Variants in ZFYVE28 observed in about 807,000 individuals in gnomAD.
ZFYVE28 encodes zinc finger FYVE-type containing 28, also known as lateral signaling target protein 2 homolog.
Under a neutral mutation model 82.1 loss-of-function variants are expected in ZFYVE28, and 40 were observed. The ratio of observed to expected loss-of-function variants is 0.49; its 90% CI spans 0.38 to 0.63. The LOEUF (loss-of-function observed/expected upper bound fraction) is 0.63. Ranked by LOEUF, ZFYVE28 falls within the 30% of genes least tolerant of loss-of-function variation. The pLI is 0.00. For synonymous variants in ZFYVE28, 612 were observed against 546.1 expected, an observed-to-expected ratio of 1.12 and a Z score of -1.68; for missense variants, 1,321 against 1,242.1, an observed-to-expected ratio of 1.06 and a Z score of -0.96.
intron 8 of ZFYVE28, 23 bp downstream of exon 8, chr4:2,304,266 C>T (rs764751647): frequency 1.3e-6 from 2 of 1,538,232 alleles, no homozygotes; most frequent in African/African-American, 1.4e-5. Flanking sequence ...CAAACCCAGT[C>T]TCTGGGCCAG....
chr4:2,344,634 C>T (rs1475926710), intron 2 of ZFYVE28, among the ~76,000 whole-genome samples: 1 of 152,248 alleles, frequency 6.6e-6, no homozygotes, highest in Non-Finnish European at 1.5e-5. Context: ...CAGTGGCTCA[C>T]GCCTGTAATC....
At chr4:2,304,052 G>A (rs1340953478) in intron 8 of ZFYVE28, among the ~76,000 whole-genome samples, 2 of 152,356 alleles carry the variant, frequency 1.3e-5, no homozygotes, top group Admixed American at 6.5e-5. Context: ...AAACAGGGAA[G>A]CGGGCCCGCT....
At chr4:2,285,416 A>G (rs993697202) in intron 8 of ZFYVE28, 12 of 152,360 alleles carry the variant, frequency 7.9e-5, no homozygotes, top group African/African-American at 2.6e-4. Flanking sequence ...CGCCGGCCCC[A>G]CTGTGGCTGC....
intron 8 of ZFYVE28, 106 bp from the exon 9 acceptor site, chr4:2,274,322 A>G: frequency 1.5e-6 from 2 of 1,363,954 alleles, no homozygotes; most frequent in Non-Finnish European, 2.0e-6. Context: ...GCAGACGCTC[A>G]CCCCACAGGC....
intron 1 of ZFYVE28, among the ~76,000 whole-genome samples, chr4:2,396,926 T>C (rs1384685602): frequency 1.3e-5 from 2 of 151,982 alleles, no homozygotes; most frequent in Non-Finnish European, 2.9e-5. Context: ...TGACCCGAAT[T>C]GAATTGTGTG....
intron 2 of ZFYVE28, among the ~76,000 whole-genome samples, chr4:2,347,137 A>G (rs1045794304): frequency 1.3e-5 from 2 of 152,216 alleles, no homozygotes; most frequent in Non-Finnish European, 2.9e-5. Context: ...GAGTGGCTAC[A>G]TGAATACTGA....
rs1722420049 is a variant in ZFYVE28 at position 2,339,570 on chromosome 4, A to G, written c.404T>C (p.Leu135Pro). 1.2e-6 allele frequency: 2 copies of G among 1,612,814 alleles called. No homozygotes were observed. Among genetic ancestry groups the G allele is most frequent in the Non-Finnish European group, 1.7e-6 (2 of 1,179,740 alleles). The change falls in exon 4 of 13, where the codon CTG becomes CCG. Residue 135 changes from leucine (L) to proline (P), a missense_variant. Around this residue, in one of 2 missense-constraint regions of ZFYVE28, gnomAD observed 343 missense variants for 408.4 expected, o/e 0.84. Coordinates refer to ENST00000290974, the MANE Select transcript of ZFYVE28 (RefSeq NM_020972.3). This position sits in a 1 kb window ranked among gnomAD's most constrained non-coding sequence, Gnocchi z 5.0. ...RPLAKELTRS[L>P]EDVRGALRDQ... ...ACGGAGGGCGCCCCGCACGTCCTCC[A>G]GGCTGCGCGTCAGCTCCTTGGCCAG...
chr4:2,401,561 T>C (rs1198864851), intron 1 of ZFYVE28, among the ~76,000 whole-genome samples: 1 of 150,266 alleles, frequency 6.7e-6, no homozygotes, highest in Non-Finnish European at 1.5e-5. Context: ...CCCCTCCTCC[T>C]TCTGGCTCTG....
At chr4:2,330,116 A>T (rs1310635277) in intron 6 of ZFYVE28, 1 of 229,228 alleles carries the variant, frequency 4.4e-6, no homozygotes, top group Non-Finnish European at 7.2e-6. Flanking sequence ...GGGCAGGATG[A>T]AGGATAATAG....
intron 7 of ZFYVE28, among the ~76,000 whole-genome samples, chr4:2,308,627 C>CAGACAGAAAGAAAGAA (rs1553830470): frequency 1.3e-5 from 1 of 79,522 alleles, no homozygotes; most frequent in Non-Finnish European, 2.4e-5. Context: ...AGAAAGAAGA[C>CAGACAGAAAGAAAGAA]AGAAAGAAAG....
chr4:2,365,479 C>G (rs146803846), intron 1 of ZFYVE28, among the ~76,000 whole-genome samples: 1,621 of 152,260 alleles, frequency 0.011, 18 homozygotes, highest in Non-Finnish European at 0.014. Flanking sequence ...GGCCCACCTT[C>G]CCACCTGCAG....
intron 8 of ZFYVE28, among the ~76,000 whole-genome samples, chr4:2,303,207 A>C (rs1715871915): frequency 6.6e-6 from 1 of 152,050 alleles, no homozygotes; most frequent in African/African-American, 2.4e-5. Context: ...CCTGACCGTC[A>C]CGGGACCCTG....
At chr4:2,397,040 G>A (rs551690117) in intron 1 of ZFYVE28, among the ~76,000 whole-genome samples, 6 of 152,326 alleles carry the variant, frequency 3.9e-5, no homozygotes, top group East Asian at 1.9e-4. Flanking sequence ...TGCCACGGCC[G>A]GGGATCAGGG....
chr4:2,403,116 T>G (rs3135074), intron 1 of ZFYVE28, among the ~76,000 whole-genome samples: 134,334 of 152,262 alleles, frequency 0.88, 59,605 homozygotes, highest in African/African-American at 0.97. Context: ...TGATGACCCC[T>G]CTGGGCTGTG....
chr4:2,346,552 A>G (rs1723626442), intron 2 of ZFYVE28, among the ~76,000 whole-genome samples: 2 of 152,296 alleles, frequency 1.3e-5, no homozygotes, highest in South Asian at 4.1e-4. Context: ...CCCTAACAAC[A>G]TAGTGTGAGT....
chr4:2,305,611 GC>G, intron 7 of ZFYVE28, 75 bp from the exon 8 acceptor site: 1 of 1,548,436 alleles, frequency 6.5e-7, no homozygotes, highest in Admixed American at 1.9e-5. Flanking sequence ...AGTGGACGCA[GC>G]ACCCTGGAGT....
At chr4:2,385,465 T>C (rs1729157479) in intron 1 of ZFYVE28, among the ~76,000 whole-genome samples, 1 of 152,136 alleles carries the variant, frequency 6.6e-6, no homozygotes, top group Non-Finnish European at 1.5e-5. Flanking sequence ...CCTGCCAAAG[T>C]TGGGATTTGA....
rs1218884074 is a variant in ZFYVE28, at chr4:2,394,692, C to T, written c.39+23593G>A. On this transcript the variant is annotated intron_variant, in intron 1 of 12. Transcript: ENST00000290974. This position sits in a 1 kb window ranked among gnomAD's most constrained non-coding sequence, Gnocchi z 4.0. ...CTGGGTGTCGTGTCACACAGGTCTG[C>T]GATCCGATCCTGTGAACAGGCACCA... 6.6e-6 allele frequency among the ~76,000 whole-genome samples: 1 copy of T among 152,236 alleles called. No individual in the cohort carries two copies. The highest frequency in any genetic ancestry group is 1.5e-5 in the Non-Finnish European group (1 of 68,040).
At chr4:2,410,747 G>A (rs573644078) in intron 1 of ZFYVE28, among the ~76,000 whole-genome samples, 130 of 152,072 alleles carry the variant, frequency 8.5e-4, no homozygotes, top group South Asian at 2.9e-3. Flanking sequence ...CGCCTGCCTC[G>A]ACCTCCCAAA....
Sources: gnomAD v4.1 joint callset for allele counts (sites outside exome capture counted in the v4.1 genomes callset) on GRCh38, gnomAD v4.1.1 for gene constraint, gnomAD v4.1.1 regional missense constraint, Gnocchi (gnomAD v3.1) non-coding constraint, MANE v1.5 for transcripts, NCBI Gene and HGNC (gene_info 2026-07-23, HGNC 2026-07-21) for gene names.